The following MCC variants were observed in gnomAD, a reference collection of about 807,000 sequenced individuals.
The protein encoded by MCC is colorectal mutant cancer protein.
Under a neutral mutation model 116.2 loss-of-function variants are expected in MCC, and 90 were observed. That is an observed-to-expected ratio of 0.77 (90% CI 0.65 to 0.92). The LOEUF (loss-of-function observed/expected upper bound fraction) is 0.92, where lower values mean the gene tolerates loss of function less well. MCC is among the 40% of genes least tolerant of loss of function. The pLI is 0.00. For synonymous variants in MCC, 578 were observed against 510.5 expected (o/e 1.13, Z -1.78); for missense variants, 1,516 against 1,312.2 (o/e 1.16, Z -2.40).
At chr5:113,268,704 G>T (rs941316489) in intron 3 of MCC, among the ~76,000 whole-genome samples, 1 of 152,102 alleles carries the variant, frequency 6.6e-6, no homozygotes, top group Non-Finnish European at 1.5e-5. Flanking sequence ...GAAGCTGCTG[G>T]CAAAACAAAA....
chr5:113,146,807 T>A (rs547962197), intron 4 of MCC, among the ~76,000 whole-genome samples: 12 of 152,218 alleles, frequency 7.9e-5, no homozygotes. Flanking sequence ...TCAAATAATA[T>A]GCTACTGCTT....
At chr5:113,164,772 G>GGA (rs1246108211) in intron 3 of MCC, among the ~76,000 whole-genome samples, 3 of 152,178 alleles carry the variant, frequency 2.0e-5, no homozygotes, top group Admixed American at 2.0e-4. Flanking sequence ...GTGGGCTAAG[G>GGA]GAGAGAGCCT....
intron 3 of MCC, among the ~76,000 whole-genome samples, chr5:113,152,967 T>C (rs1759967492): frequency 6.6e-6 from 1 of 152,200 alleles, no homozygotes; most frequent in Non-Finnish European, 1.5e-5. Flanking sequence ...TCAGTACAAA[T>C]ACCACAGTGT....
rs527719453 is a variant in MCC at position 113,392,895 on chromosome 5, A to G, written c.171-7683T>C. On this transcript the variant is annotated intron_variant, in intron 1 of 18. Transcript: ENST00000408903. ...TATATACAAATTGATGTGGCATCAC[A>G]TAATGAAATACAATAGAATGTAGGT... Among the ~76,000 whole-genome samples the G allele has an allele frequency of 2.0e-5, 3 of 152,352 alleles. No homozygotes were observed. The South Asian group carries it at 6.2e-4, about 32-fold the overall frequency.
intron 3 of MCC, among the ~76,000 whole-genome samples, chr5:113,320,135 G>A (rs976715162): frequency 1.3e-5 from 2 of 152,106 alleles, no homozygotes; most frequent in Non-Finnish European, 2.9e-5. Flanking sequence ...TGACTCACTA[G>A]TATGCTTATT....
intron 3 of MCC, among the ~76,000 whole-genome samples, chr5:113,214,002 C>G (rs148593783): frequency 8.5e-5 from 13 of 152,318 alleles, no homozygotes; most frequent in African/African-American, 2.9e-4. Context: ...CCCAATCAGC[C>G]AAGTCCAGAA....
intron 1 of MCC, among the ~76,000 whole-genome samples, chr5:113,425,360 C>G (rs1770453001): frequency 6.6e-6 from 1 of 152,186 alleles, no homozygotes; most frequent in African/African-American, 2.4e-5. Flanking sequence ...GTCACATATG[C>G]TTCTCAGGAA....
chr5:113,233,224 G>C (rs779321102), intron 3 of MCC, among the ~76,000 whole-genome samples: 5 of 152,148 alleles, frequency 3.3e-5, no homozygotes, highest in Non-Finnish European at 7.4e-5. Context: ...TATTTACATG[G>C]CAAGTTATAT....
At chr5:113,466,579 A>G (rs1259827540) in intron 1 of MCC, among the ~76,000 whole-genome samples, 2 of 151,884 alleles carry the variant, frequency 1.3e-5, no homozygotes, top group Non-Finnish European at 2.9e-5. Context: ...AATCCAGTCT[A>G]TCATTGTTGG....
intron 3 of MCC, among the ~76,000 whole-genome samples, chr5:113,278,067 T>A (rs1160391999): frequency 6.6e-6 from 1 of 152,168 alleles, no homozygotes; most frequent in Non-Finnish European, 1.5e-5. Context: ...TGCCTGTCCT[T>A]CCCTGCAACC....
Position 113,454,636 on chromosome 5 carries a change from T to C in MCC, c.170+33609A>G, listed in dbSNP as rs1263903970. On this transcript the variant is annotated intron_variant, in intron 1 of 18. Transcript: ENST00000408903. ...GAAGAGTGTATAAATTCAAAAGATG[T>C]TCCCACATTATCAGCATTAACTGAA... 2.0e-5 allele frequency among the ~76,000 whole-genome samples: 3 copies of C among 152,316 alleles called. No homozygotes were observed. The East Asian group carries it at 5.8e-4, about 29-fold the overall frequency.
intron 2 of MCC, among the ~76,000 whole-genome samples, chr5:113,372,981 A>G (rs1370999663): frequency 6.6e-6 from 1 of 152,136 alleles, no homozygotes; most frequent in African/African-American, 2.4e-5. Context: ...GATCGAGACC[A>G]TCCTGGCTAA....
chr5:113,468,776 C>T lies in MCC; in HGVS notation c.170+19469G>A, dbSNP rs1216297207. On this transcript the variant is annotated intron_variant, in intron 1 of 18. Transcript: ENST00000408903. ...GGAATGGTACCAGCTCCTCTTTGTA[C>T]CTCTGGTAGAATTCGGCTGTGAATC... Among the ~76,000 whole-genome samples, 4 of 152,178 alleles carry T rather than the reference C, an allele frequency of 2.6e-5. No homozygotes were observed. The East Asian group carries it at 7.7e-4, about 29-fold the overall frequency.
rs577789052 is a variant in MCC, at chr5:113,049,013, TGAGGTGTGGCCA to T, written c.2655+68_2655+79del. 820 of 1,342,136 alleles carry T rather than the reference TGAGGTGTGGCCA, an allele frequency of 6.1e-4. 11 individuals are homozygous for T. In the East Asian group the frequency reaches 0.018, roughly 29 times the overall value. The allele number at this position is 1,342,136 out of a possible 1,614,324, so 83.1% of individuals were successfully genotyped here. On this transcript the variant is annotated intron_variant, in intron 16 of 18. Coordinates refer to ENST00000408903, the MANE Select transcript of MCC (RefSeq NM_001085377.2). ...TACAAGAACTGAGGCAGCAGGGCGG[TGAGGTGTGGCCA>T]GTGGTCACTGGGCAGTCACTGGGCA... is the stretch of plus-strand genomic sequence containing the variant.
chr5:113,220,151 G>A (rs1211858586), intron 3 of MCC, among the ~76,000 whole-genome samples: 2 of 70,752 alleles, frequency 2.8e-5, no homozygotes, highest in African/African-American at 5.4e-5. Flanking sequence ...TCCACCTCCC[G>A]GGTTCACGCC....
rs144876643 is a variant in MCC, at chr5:113,426,655, G to A, written c.171-41443C>T. On this transcript the variant is annotated intron_variant, in intron 1 of 18. Transcript: ENST00000408903. Reference sequence around the variant, plus strand: ...TGAACATGCCTATATTCTAAGAATGGCAAAATGTGAAGATGAACAAAGAAA... The same window carrying A: ...TGAACATGCCTATATTCTAAGAATGACAAAATGTGAAGATGAACAAAGAAA... Among the ~76,000 whole-genome samples, 386 of 152,220 alleles carry A rather than the reference G, an allele frequency of 2.5e-3. 1 individual carries two copies. Among genetic ancestry groups the A allele is most frequent in the African/African-American group, 8.8e-3 (366 of 41,532 alleles).
intron 3 of MCC, among the ~76,000 whole-genome samples, chr5:113,259,501 A>G (rs926873805): frequency 6.6e-6 from 1 of 152,152 alleles, no homozygotes; most frequent in African/African-American, 2.4e-5. Context: ...ACCCATTATC[A>G]TTTACTAAAG....
At chr5:113,128,701 T>TA (rs776711018) in intron 5 of MCC, among the ~76,000 whole-genome samples, 32 of 152,148 alleles carry the variant, frequency 2.1e-4, no homozygotes, top group Non-Finnish European at 4.3e-4. Context: ...TTCCAAATAT[T>TA]AAAAAAGAGA....
At chr5:113,159,291 C>A (rs976786623) in intron 3 of MCC, among the ~76,000 whole-genome samples, 1 of 152,132 alleles carries the variant, frequency 6.6e-6, no homozygotes, top group Admixed American at 6.5e-5. Context: ...TTTATTTGTC[C>A]ACTGGTCCCA....
Sources: allele counts gnomAD v4.1 joint callset (sites outside exome capture counted in the v4.1 genomes callset), GRCh38; gene constraint gnomAD v4.1.1; transcripts MANE v1.5; gene names NCBI Gene and HGNC (gene_info 2026-07-23, HGNC 2026-07-21).